The following ZPBP variants were observed in gnomAD, a reference collection of about 807,000 sequenced individuals.
The protein encoded by ZPBP is zona pellucida-binding protein 1.
Under a neutral mutation model 44.8 loss-of-function variants are expected in ZPBP, and 26 were observed. That is an observed-to-expected ratio of 0.58 (90% CI 0.43 to 0.81). ZPBP has a LOEUF of 0.81. ZPBP is among the 30% of genes least tolerant of loss of function. The probability of loss-of-function intolerance (pLI) is 0.00; values close to 1 mark genes in which losing one functional copy is unlikely to be tolerated. For synonymous variants in ZPBP, 174 were observed against 153.2 expected, an observed-to-expected ratio of 1.14 and a Z score of -1.00; for missense variants, 409 against 434.0, an observed-to-expected ratio of 0.94 and a Z score of 0.51.
intron 2 of ZPBP, among the ~76,000 whole-genome samples, chr7:50,087,520 T>C (rs1802722830): frequency 6.6e-6 from 1 of 151,922 alleles, no homozygotes; most frequent in African/African-American, 2.4e-5. Context: ...CTAAACCTGA[T>C]AAAGGGCATC....
At chr7:50,049,618 A>G (rs1800582930) in intron 4 of ZPBP, among the ~76,000 whole-genome samples, 1 of 152,046 alleles carries the variant, frequency 6.6e-6, no homozygotes, top group Non-Finnish European at 1.5e-5. Flanking sequence ...TCCTTTCACA[A>G]TAAAAACAAT....
chr7:49,843,593 A>G, the ZPBP span, among the ~76,000 whole-genome samples: 13 of 152,208 alleles, frequency 8.5e-5, no homozygotes, highest in African/African-American at 3.1e-4. Context: ...TTAGTTTTGT[A>G]TGTACAGAAA....
intron 6 of ZPBP, among the ~76,000 whole-genome samples, chr7:49,996,291 A>G (rs992676026): frequency 6.6e-6 from 1 of 152,112 alleles, no homozygotes; most frequent in South Asian, 2.1e-4. Flanking sequence ...CAATTATGCA[A>G]CTGGAACTGG....
chr7:49,871,039 A>G (rs781042158), intron 2 of ZPBP, among the ~76,000 whole-genome samples: 8 of 152,224 alleles, frequency 5.3e-5, no homozygotes, highest in Non-Finnish European at 8.8e-5. Context: ...TATTCCACAG[A>G]ACCAATAAAT....
chr7:49,906,812 G>T (rs187165238), intron 1 of ZPBP, among the ~76,000 whole-genome samples: 9 of 145,872 alleles, frequency 6.2e-5, no homozygotes, highest in African/African-American at 2.2e-4. Flanking sequence ...CTAGGATTGT[G>T]TGTTTTAAAT....
At chr7:49,886,970 C>T (rs1791931793) in intron 2 of ZPBP, among the ~76,000 whole-genome samples, 1 of 151,480 alleles carries the variant, frequency 6.6e-6, no homozygotes, top group Non-Finnish European at 1.5e-5. Flanking sequence ...GTCTTGTTTG[C>T]CTTTACCTTC....
chr7:50,023,790 A>G (rs1364962925), intron 5 of ZPBP, among the ~76,000 whole-genome samples: 1 of 152,096 alleles, frequency 6.6e-6, no homozygotes, highest in Non-Finnish European at 1.5e-5. Context: ...TGGATAATGC[A>G]GTGAGAGAAA....
intron 1 of ZPBP, chr7:49,921,568 A>G (rs186379890): frequency 6.6e-6 from 1 of 152,286 alleles, no homozygotes; most frequent in Admixed American, 6.5e-5. Context: ...GGAGAGTGGT[A>G]TCAACCACTA....
chr7:49,878,724 T>C (rs899889914), intron 2 of ZPBP, among the ~76,000 whole-genome samples: 1 of 152,182 alleles, frequency 6.6e-6, no homozygotes, highest in African/African-American at 2.4e-5. Context: ...AAAAAATTGC[T>C]CATGCACGAT....
At chr7:49,896,234 A>G (rs1245847205) in intron 2 of ZPBP, among the ~76,000 whole-genome samples, 4 of 152,074 alleles carry the variant, frequency 2.6e-5, no homozygotes, top group Non-Finnish European at 4.4e-5. Context: ...CCAGCTACTC[A>G]GGAGGCTGAG....
chr7:50,052,683 A>G (rs1584126540), intron 4 of ZPBP, among the ~76,000 whole-genome samples: 1 of 152,230 alleles, frequency 6.6e-6, no homozygotes, highest in African/African-American at 2.4e-5. Flanking sequence ...CAACAGCCAA[A>G]AACGCAAAGC....
At chr7:49,935,451 T>C (rs1471808665), downstream of ZPBP, among the ~76,000 whole-genome samples, 1 of 152,134 alleles carries the variant, frequency 6.6e-6, no homozygotes, top group African/African-American at 2.4e-5. Context: ...CAACCTGGAG[T>C]GCAGTGGCGT....
chr7:50,003,821 GA>G (rs1256109799), intron 6 of ZPBP, among the ~76,000 whole-genome samples: 3 of 150,916 alleles, frequency 2.0e-5, no homozygotes, highest in Non-Finnish European at 4.4e-5. Flanking sequence ...AAAGAAACAG[GA>G]AAAAAAATTG....
chr7:49,950,301 T>C (rs1230435546), intron 7 of ZPBP, among the ~76,000 whole-genome samples: 1 of 151,886 alleles, frequency 6.6e-6, no homozygotes, highest in Non-Finnish European at 1.5e-5. Context: ...CTTGACTGGA[T>C]AGATTCTCAG....
chr7:50,056,101 CAAAGT>C (rs1294413909), intron 4 of ZPBP: 3 of 152,148 alleles, frequency 2.0e-5, no homozygotes, highest in Admixed American at 2.0e-4. Flanking sequence ...CCCTTGCTGT[CAAAGT>C]AATGGTGTGT....
rs749565031 is a variant in ZPBP at position 50,090,473 on chromosome 7, GTT to G, written c.128-766_128-765del. Among the ~76,000 whole-genome samples the G allele has an allele frequency of 7.5e-3, 392 of 52,564 alleles. 2 individuals are homozygous for G. Among genetic ancestry groups the G allele is most frequent in the Non-Finnish European group, 0.011 (269 of 24,434 alleles). 34.5% of individuals were successfully genotyped at this position (52,564 alleles called of 152,430 possible). A position where few individuals can be genotyped will look rare whatever the true frequency, so the allele number is the denominator to read the frequency against. ...AGTAGTATTCCATATATATATTTAT[GTT>G]TGTGTGTGTGTGTGTGTATATGAGT... On this transcript the variant is annotated intron_variant, in intron 1 of 7. Coordinates refer to ENST00000046087, the MANE Select transcript of ZPBP (RefSeq NM_007009.3).
chr7:50,032,687 G>A (rs941607167), intron 4 of ZPBP, among the ~76,000 whole-genome samples: 2 of 152,144 alleles, frequency 1.3e-5, no homozygotes, highest in African/African-American at 2.4e-5. Context: ...CTTCTTAACC[G>A]ATGCACTGAA....
At position 49,976,969 on chromosome 7, in the gene ZPBP, G is replaced by C. The variant is rs1796544632; in HGVS notation, c.961+6373C>G. On this transcript the variant is annotated intron_variant, in intron 7 of 7. Coordinates refer to ENST00000046087, the MANE Select transcript of ZPBP (RefSeq NM_007009.3). ...CACAAAAAATTACCCGGGCACGGTG[G>C]TGGGCGCCTGTAGTCCCAGCTGCTC... 2.0e-5 allele frequency among the ~76,000 whole-genome samples: 3 copies of C among 152,024 alleles called. No individual in the cohort carries two copies. In the South Asian group the frequency reaches 6.2e-4, roughly 32 times the overall value.
At chr7:50,026,777 A>G (rs1366112836) in intron 5 of ZPBP, among the ~76,000 whole-genome samples, 1 of 151,874 alleles carries the variant, frequency 6.6e-6, no homozygotes, top group African/African-American at 2.4e-5. Context: ...TAACAACAAG[A>G]GCTATTAGAC....
Sources: gnomAD v4.1 joint callset for allele counts (sites outside exome capture counted in the v4.1 genomes callset) on GRCh38, gnomAD v4.1.1 for gene constraint, MANE v1.5 for transcripts, NCBI Gene and HGNC (gene_info 2026-07-23, HGNC 2026-07-21) for gene names.